Variants in CRYBG1 observed in about 807,000 individuals in gnomAD.
CRYBG1 encodes crystallin beta-gamma domain containing 1.
A neutral mutation model predicts 189.2 loss-of-function variants in CRYBG1; 139 were observed. The ratio of observed to expected loss-of-function variants is 0.73; its 90% CI spans 0.64 to 0.85. The LOEUF is 0.85. CRYBG1 is among the 40% of genes least tolerant of loss of function. The pLI is 0.00. For missense variants in CRYBG1, 2,611 were observed against 2,675.8 expected (o/e 0.98, Z 0.53); for synonymous variants, 1,023 against 1,017.1 (o/e 1.01, Z -0.11).
At chr6:106,556,398 T>C (rs1291997209) in intron 17 of CRYBG1, among the ~76,000 whole-genome samples, 1 of 152,250 alleles carries the variant, frequency 6.6e-6, no homozygotes, top group African/African-American at 2.4e-5. Flanking sequence ...ATTCAAGGAA[T>C]TGTGTATTGT....
At chr6:106,384,330 G>A (rs1050595057) in intron 1 of CRYBG1, among the ~76,000 whole-genome samples, 2 of 152,156 alleles carry the variant, frequency 1.3e-5, no homozygotes, top group Non-Finnish European at 2.9e-5. Context: ...TAGACCGGGG[G>A]AAGACGGGGA....
chr6:106,460,185 G>A (rs1652161585), intron 2 of CRYBG1, among the ~76,000 whole-genome samples: 1 of 151,746 alleles, frequency 6.6e-6, no homozygotes. Flanking sequence ...TAGAGACGGG[G>A]TTTCACTATG....
chr6:106,465,604 T>C (rs1250986554), intron 2 of CRYBG1, among the ~76,000 whole-genome samples: 1 of 151,306 alleles, frequency 6.6e-6, no homozygotes, highest in Non-Finnish European at 1.5e-5. Context: ...GAGTAAAATG[T>C]TGTACTGCTG....
intron 1 of CRYBG1, among the ~76,000 whole-genome samples, chr6:106,417,155 C>T (rs934204699): frequency 6.6e-6 from 1 of 151,166 alleles, no homozygotes. Flanking sequence ...ACATGTACCA[C>T]CATGCTCAGT....
chr6:106,367,471 C>T (rs1411575692), intron 1 of CRYBG1, among the ~76,000 whole-genome samples: 9 of 151,104 alleles, frequency 6.0e-5, no homozygotes, highest in East Asian at 2.0e-4. Flanking sequence ...CCTGTAATCC[C>T]GTCTACTTGG....
At chr6:106,464,408 G>A (rs1170901017) in intron 2 of CRYBG1, among the ~76,000 whole-genome samples, 1 of 151,376 alleles carries the variant, frequency 6.6e-6, no homozygotes, top group East Asian at 1.9e-4. Flanking sequence ...CAGGAGAATT[G>A]CTTGAACCCG....
chr6:106,534,907 T>G (rs1490339116), intron 8 of CRYBG1, among the ~76,000 whole-genome samples: 8 of 152,170 alleles, frequency 5.3e-5, no homozygotes, highest in African/African-American at 1.9e-4. Context: ...AAAGATGATC[T>G]GGCCCAACAC....
chr6:106,516,543 C>G (rs1449702353), intron 3 of CRYBG1, among the ~76,000 whole-genome samples: 1 of 152,164 alleles, frequency 6.6e-6, no homozygotes, highest in African/African-American at 2.4e-5. Context: ...CAGGCTCAAG[C>G]TTCATGAAGG....
rs567967676 is a variant in CRYBG1, at chr6:106,542,833, G to C, written c.4882-607G>C. On this transcript the variant is annotated intron_variant, in intron 10 of 21. Transcript: ENST00000633556. ...CCAGCTAATTTTTGTATTTTTAGCAGAGATGGGGTTTCACCATATTGCCCA... is the reference window on the plus strand; with the variant it reads ...CCAGCTAATTTTTGTATTTTTAGCACAGATGGGGTTTCACCATATTGCCCA... 1.1e-4 allele frequency among the ~76,000 whole-genome samples: 15 copies of C among 140,716 alleles called. No individual in the cohort carries two copies. In the East Asian group the frequency reaches 2.7e-3, roughly 25 times the overall value. The allele number at this position is 140,716 out of a possible 152,430, so 92.3% of individuals were successfully genotyped here. A position where few individuals can be genotyped will look rare whatever the true frequency, so the allele number is the denominator to read the frequency against.
At chr6:106,479,904 G>C (rs895067637) in intron 2 of CRYBG1, among the ~76,000 whole-genome samples, 1 of 151,988 alleles carries the variant, frequency 6.6e-6, no homozygotes, top group Admixed American at 6.5e-5. Flanking sequence ...AAGCACAAAA[G>C]TTTTTAATTT....
intron 1 of CRYBG1, among the ~76,000 whole-genome samples, chr6:106,422,957 C>T (rs1771157044): frequency 6.6e-6 from 1 of 152,070 alleles, no homozygotes; most frequent in African/African-American, 2.4e-5. Context: ...TTTTTAAAGG[C>T]CTTCAGAGAT....
At chr6:106,544,403 G>T (rs1283854882) in intron 11 of CRYBG1, among the ~76,000 whole-genome samples, 168 bp from the exon 12 acceptor site, 7 of 151,948 alleles carry the variant, frequency 4.6e-5, no homozygotes, top group Non-Finnish European at 7.4e-5. Context: ...TTATTTTCTT[G>T]GGGCCATTCT....
rs971320393 is a variant in CRYBG1 at position 106,545,676 on chromosome 6, T to C, written c.5312+743T>C. 7.5e-5 allele frequency among the ~76,000 whole-genome samples: 9 copies of C among 120,130 alleles called. No homozygotes were observed. In the Admixed American group the frequency reaches 8.0e-4, roughly 11 times the overall value. 78.8% of individuals were successfully genotyped at this position (120,130 alleles called of 152,430 possible). A position where few individuals can be genotyped will look rare whatever the true frequency, so the allele number is the denominator to read the frequency against. On this transcript the variant is annotated intron_variant, in intron 13 of 21. Transcript: ENST00000633556. ...GGCCTGTGGCCACATTCAGCTTTTG[T>C]TCTCCTAACTCTTTTTTTTTGAGGC...
chr6:106,558,774 GC>G (rs1774624381), intron 18 of CRYBG1, 149 bp downstream of exon 18: 3 of 638,204 alleles, frequency 4.7e-6, no homozygotes, highest in Non-Finnish European at 7.3e-6. Flanking sequence ...AAAAGCCTGG[GC>G]AACAAAGTGA....
chr6:106,519,405 G>A lies in CRYBG1; in HGVS notation c.2197G>A (p.Val733Ile), dbSNP rs1773527245. ...AGAAATGGAGCAACCTGAAAAGAAA[G>A]TAATGCCAAACAGTCCCCAGAATGG... ...AKEMEQPEKK[V>I]MPNSPQNGVL... The change falls in exon 4 of 22, where the codon GTA (valine) becomes ATA (isoleucine). Residue 733 changes from valine (V) to isoleucine (I), a missense_variant. By Grantham distance (29) the Val-to-Ile change is conservative (BLOSUM62 3). Coordinates refer to ENST00000633556, the MANE Select transcript of CRYBG1 (RefSeq NM_001371242.2). 6.2e-7 allele frequency: 1 copy of A among 1,614,082 alleles called. No homozygotes were observed. Among genetic ancestry groups the A allele is most frequent in the Non-Finnish European group, 8.5e-7 (1 of 1,180,028 alleles).
intron 2 of CRYBG1, among the ~76,000 whole-genome samples, chr6:106,477,754 G>T (rs1440062810): frequency 6.6e-6 from 1 of 152,224 alleles, no homozygotes; most frequent in Non-Finnish European, 1.5e-5. Flanking sequence ...GTTGGCAAAT[G>T]ACTTTCTACC....
chr6:106,527,517 G>A, intron 7 of CRYBG1, 47 bp downstream of exon 7: 2 of 1,552,104 alleles, frequency 1.3e-6, no homozygotes, highest in Non-Finnish European at 1.7e-6. Flanking sequence ...TAATATTTAT[G>A]GATTCTTACT....
chr6:106,561,279 T>C lies in CRYBG1; in HGVS notation c.5980-63T>C, dbSNP rs978020381. 3 of 1,544,902 alleles carry C rather than the reference T, an allele frequency of 1.9e-6. No individual in the cohort carries two copies. The African/African-American group carries it at 4.1e-5, about 21-fold the overall frequency. On this transcript the variant is annotated intron_variant, in intron 19 of 21. Transcript: ENST00000633556. ...CACTTTGGATTCTTCCTGATATTCATGCTTGTTCAGTGCTTCCAGCAGCAC... is the reference window on the plus strand; with the variant it reads ...CACTTTGGATTCTTCCTGATATTCACGCTTGTTCAGTGCTTCCAGCAGCAC...
chr6:106,561,304 C>T lies in CRYBG1; in HGVS notation c.5980-38C>T, dbSNP rs779002679. On this transcript the variant is annotated intron_variant, in intron 19 of 21. Coordinates refer to ENST00000633556, the MANE Select transcript of CRYBG1 (RefSeq NM_001371242.2). ...TGCTTGTTCAGTGCTTCCAGCAGCACATCTGGTATAACAACTGCTGGGGGT... is the reference window on the plus strand; with the variant it reads ...TGCTTGTTCAGTGCTTCCAGCAGCATATCTGGTATAACAACTGCTGGGGGT... The T allele has an allele frequency of 4.4e-6, 7 of 1,603,512 alleles. 1 individual carries two copies. In the South Asian group the frequency reaches 7.8e-5, roughly 18 times the overall value.
Sources: gnomAD v4.1 joint callset for allele counts (sites outside exome capture counted in the v4.1 genomes callset) on GRCh38, gnomAD v4.1.1 for gene constraint, MANE v1.5 for transcripts, NCBI Gene and HGNC (gene_info 2026-07-23, HGNC 2026-07-21) for gene names.